Variants in ZNF385D observed in about 807,000 individuals in gnomAD.
ZNF385D encodes zinc finger protein 385D.
A neutral mutation model predicts 35.8 loss-of-function variants in ZNF385D; 15 were observed. The ratio of observed to expected loss-of-function variants is 0.42; its 90% CI spans 0.28 to 0.64. The LOEUF is 0.64. Among genes scored for constraint, ZNF385D ranks in the 30% least tolerant of loss-of-function variants. The pLI is 0.23. For missense variants in ZNF385D, 474 were observed against 494.6 expected (o/e 0.96, Z 0.39); for synonymous variants, 212 against 186.8 (o/e 1.13, Z -1.10).
chr3:22,236,724 T>C (rs980298206), intron 2 of ZNF385D, among the ~76,000 whole-genome samples: 3 of 152,138 alleles, frequency 2.0e-5, no homozygotes, highest in Non-Finnish European at 4.4e-5. Context: ...TTCCTATGTC[T>C]AGCCCCCGGC....
intron 2 of ZNF385D, among the ~76,000 whole-genome samples, chr3:22,347,387 C>A (rs1392354595): frequency 1.3e-5 from 2 of 152,112 alleles, no homozygotes; most frequent in Non-Finnish European, 2.9e-5. Flanking sequence ...CAGTTCTGAA[C>A]TGAAGTCAAA....
At chr3:22,260,115 T>C (rs1467529590) in intron 2 of ZNF385D, among the ~76,000 whole-genome samples, 1 of 152,030 alleles carries the variant, frequency 6.6e-6, no homozygotes, top group Non-Finnish European at 1.5e-5. Context: ...CTTAAATACA[T>C]TGTATTCAGG....
chr3:22,008,622 C>G (rs1037629961), intron 3 of ZNF385D, among the ~76,000 whole-genome samples: 4 of 152,150 alleles, frequency 2.6e-5, no homozygotes, highest in African/African-American at 9.7e-5. Flanking sequence ...TCCCAAAGTG[C>G]TGGGATTACA....
intron 3 of ZNF385D, among the ~76,000 whole-genome samples, chr3:21,927,145 C>T (rs1484421959): frequency 6.6e-6 from 1 of 152,118 alleles, no homozygotes; most frequent in Middle Eastern, 3.2e-3. Flanking sequence ...CTTTCACTGT[C>T]TTGCCCTGTA....
intron 1 of ZNF385D, among the ~76,000 whole-genome samples, chr3:21,747,673 C>T (rs186027408): frequency 5.9e-5 from 9 of 152,260 alleles, no homozygotes; most frequent in East Asian, 1.9e-4. Context: ...TTCTGCCAGG[C>T]GCTGAGCAAT....
intron 3 of ZNF385D, among the ~76,000 whole-genome samples, chr3:21,947,701 T>C (rs1575984447): frequency 6.6e-6 from 1 of 152,124 alleles, no homozygotes. Context: ...GCGTGTAATA[T>C]CTCTATATGT....
chr3:21,844,039 G>T (rs1265365193), intron 3 of ZNF385D, among the ~76,000 whole-genome samples: 1 of 151,904 alleles, frequency 6.6e-6, no homozygotes, highest in Non-Finnish European at 1.5e-5. Flanking sequence ...CTTGTTCTAG[G>T]AATTGTGTTG....
chr3:22,368,387 A>G (rs1696750640), intron 2 of ZNF385D, among the ~76,000 whole-genome samples: 1 of 152,178 alleles, frequency 6.6e-6, no homozygotes, highest in African/African-American at 2.4e-5. Flanking sequence ...AAATAATTTG[A>G]TTCATCTCTG....
At chr3:21,563,917 C>T (rs943570120) in intron 3 of ZNF385D, among the ~76,000 whole-genome samples, 1 of 152,058 alleles carries the variant, frequency 6.6e-6, no homozygotes, top group Non-Finnish European at 1.5e-5. Context: ...GATCCAGAGT[C>T]CACCCTAGTC....
At chr3:21,872,143 A>G (rs1697727618) in intron 3 of ZNF385D, among the ~76,000 whole-genome samples, 1 of 152,320 alleles carries the variant, frequency 6.6e-6, no homozygotes, top group Non-Finnish European at 1.5e-5. Context: ...TGTACTTCAT[A>G]TTAGAACAGA....
chr3:22,098,448 T>C (rs1298108211), intron 3 of ZNF385D, among the ~76,000 whole-genome samples: 2 of 152,104 alleles, frequency 1.3e-5, no homozygotes, highest in East Asian at 1.9e-4. Context: ...TTTCCTTCAA[T>C]TCATTGGAAG....
chr3:21,538,391 A>G (rs1273324038), intron 3 of ZNF385D, among the ~76,000 whole-genome samples: 1 of 152,056 alleles, frequency 6.6e-6, no homozygotes, highest in Non-Finnish European at 1.5e-5. Flanking sequence ...TTGAGAGAAT[A>G]TATCTCTCTT....
chr3:21,471,646 G>T (rs1306632837), intron 4 of ZNF385D, among the ~76,000 whole-genome samples: 1 of 152,018 alleles, frequency 6.6e-6, no homozygotes, highest in Non-Finnish European at 1.5e-5. Context: ...CTCACCCCTC[G>T]AGTTAAACAT....
rs374829726 is a variant in ZNF385D, at chr3:21,750,964, C to G, written c.-48G>C. On this transcript the variant is annotated 5_prime_UTR_variant, in exon 1 of 8. Transcript: ENST00000281523. ...CCGCGGTGTCTTCAGCATCAGCTCT[C>G]ACCCAAGGCTGGCACGTAGAGCAGA... 1.4e-5 allele frequency: 22 copies of G among 1,613,908 alleles called. No homozygotes were observed. The South Asian group carries it at 2.1e-4, about 15-fold the overall frequency.
At chr3:22,237,864 G>T (rs931089162) in intron 2 of ZNF385D, among the ~76,000 whole-genome samples, 4 of 143,252 alleles carry the variant, frequency 2.8e-5, no homozygotes, top group South Asian at 2.5e-4. Context: ...TGATGGTCTC[G>T]ATCTCCTGAT....
At chr3:21,826,933 G>A (rs770667117) in intron 3 of ZNF385D, among the ~76,000 whole-genome samples, 1 of 151,956 alleles carries the variant, frequency 6.6e-6, no homozygotes, top group Non-Finnish European at 1.5e-5. Context: ...AGGTCAAAGT[G>A]CCTGAGGACA....
At chr3:21,711,039 G>GCTTTTTTT (rs2068081805) in intron 1 of ZNF385D, among the ~76,000 whole-genome samples, 1 of 83,154 alleles carries the variant, frequency 1.2e-5, no homozygotes, top group South Asian at 4.8e-4. Context: ...CCCTCTAAAA[G>GCTTTTTTT]TTTTTTTTTT....
At chr3:22,001,347 G>C (rs964387525) in intron 3 of ZNF385D, among the ~76,000 whole-genome samples, 38 of 151,806 alleles carry the variant, frequency 2.5e-4, no homozygotes, top group Middle Eastern at 3.4e-3. Context: ...ACTAGTATCA[G>C]ATAAAACAAA....
At chr3:22,313,142 C>T (rs890415751) in intron 2 of ZNF385D, among the ~76,000 whole-genome samples, 3 of 151,718 alleles carry the variant, frequency 2.0e-5, no homozygotes, top group African/African-American at 4.8e-5. Flanking sequence ...AGCAAACTAT[C>T]GCCAAGGACA....
Sources: allele counts gnomAD v4.1 joint callset (sites outside exome capture counted in the v4.1 genomes callset), GRCh38; gene constraint gnomAD v4.1.1; transcripts MANE v1.5; gene names NCBI Gene and HGNC (gene_info 2026-07-23, HGNC 2026-07-21).